PSG3: variants seen among roughly 807,000 people sequenced by gnomAD.
PSG3 encodes pregnancy specific beta-1-glycoprotein 3, also known as pregnancy-specific beta-1-glycoprotein 3.
In PSG3, 61 loss-of-function variants were observed where a neutral mutation model predicts 47.5. The ratio of observed to expected loss-of-function variants is 1.28; its 90% CI spans 1.05 to 1.59. PSG3 has a LOEUF of 1.59. PSG3 is among the 40% of genes most tolerant of loss of function. The pLI, the probability that PSG3 is intolerant of heterozygous loss-of-function variation, is 0.00. For synonymous variants in PSG3, 263 were observed against 198.4 expected, an observed-to-expected ratio of 1.33 and a Z score of -2.74; for missense variants, 756 against 524.0, an observed-to-expected ratio of 1.44 and a Z score of -4.32.
At chr19:42,726,713 C>A (rs1231179374) in intron 5 of PSG3, among the ~76,000 whole-genome samples, 1 of 152,136 alleles carries the variant, frequency 6.6e-6, no homozygotes, top group Non-Finnish European at 1.5e-5. Flanking sequence ...ACAGTGCTAC[C>A]TGACGTGAGC....
In PSG3 at chr19:42,740,280, G is replaced by T. The variant is rs537531739; in HGVS notation, c.64+41C>A. The T allele has an allele frequency of 1.6e-5, 26 of 1,613,704 alleles. No homozygotes were observed. The South Asian group carries it at 2.1e-4, about 13-fold the overall frequency. On this transcript the variant is annotated intron_variant, in intron 1 of 6. Transcript: ENST00000327495. Reference sequence around the variant, plus strand: ...CCAGGAGACCCCATCCAGTCACTCTGCTTCCTCCTCCTGTCCTCTCCCAGG... The same window carrying T: ...CCAGGAGACCCCATCCAGTCACTCTTCTTCCTCCTCCTGTCCTCTCCCAGG...
chr19:42,735,237 T>A (rs191608723), intron 2 of PSG3, among the ~76,000 whole-genome samples: 1 of 152,206 alleles, frequency 6.6e-6, no homozygotes, highest in African/African-American at 2.4e-5. Context: ...CCACTTTTTT[T>A]CCCCACTCTT....
At chr19:42,735,608 G>A (rs1261405559) in intron 2 of PSG3, among the ~76,000 whole-genome samples, 1 of 152,164 alleles carries the variant, frequency 6.6e-6, no homozygotes, top group East Asian at 1.9e-4. Flanking sequence ...CCTTGTGCCT[G>A]CCTCGGCCTC....
intron 2 of PSG3, chr19:42,733,924 C>T (rs913815969): frequency 1.6e-4 from 25 of 152,258 alleles, no homozygotes; most frequent in Admixed American, 1.3e-3. Context: ...TGATGGAAGT[C>T]TGGCCCTCAT....
chr19:42,738,644 C>A (rs528760474), intron 2 of PSG3, 80 bp downstream of exon 2: 6 of 1,610,500 alleles, frequency 3.7e-6, no homozygotes, highest in Middle Eastern at 3.3e-4. Flanking sequence ...GACACAGGCA[C>A]AATCCAGGCC....
chr19:42,738,995 T>A lies in PSG3; in HGVS notation c.159A>T (p.Leu53=), dbSNP rs1600392308. Residue 53 remains leucine (L), a synonymous_variant, in exon 2 of 7, where the codon CTA becomes CTT. Coordinates refer to ENST00000327495, the MANE Select transcript of PSG3 (RefSeq NM_021016.4). ...TKVSKGKDVL[L]LVHNLPQNLA... is the part of the protein sequence containing the mutation. Reference sequence around the variant, plus strand: ...GATTCTGGGGCAAATTGTGGACAAGTAGAAGAACGTCCTTCCCCTTGGAAA... The same window carrying A: ...GATTCTGGGGCAAATTGTGGACAAGAAGAAGAACGTCCTTCCCCTTGGAAA... The A allele has an allele frequency of 6.2e-7, 1 of 1,614,030 alleles. No individual in the cohort carries two copies. The highest frequency in any genetic ancestry group is 2.2e-5 in the East Asian group (1 of 44,866).
intron 5 of PSG3, among the ~76,000 whole-genome samples, chr19:42,725,630 C>A (rs1351699480): frequency 4.6e-5 from 7 of 152,018 alleles, no homozygotes; most frequent in Non-Finnish European, 1.5e-5. Context: ...GAAGTCACAG[C>A]AGAAGGATTT....
intron 2 of PSG3, chr19:42,733,378 C>G (rs1969509213): frequency 2.5e-6 from 1 of 393,046 alleles, no homozygotes; most frequent in Non-Finnish European, 4.5e-6. Context: ...AAGTGCCTGC[C>G]TGGCCCACCT....
At chr19:42,730,683 G>T (rs1268495912) in intron 3 of PSG3, among the ~76,000 whole-genome samples, 3 of 152,180 alleles carry the variant, frequency 2.0e-5, no homozygotes, top group Non-Finnish European at 4.4e-5. Flanking sequence ...TGACTTACTT[G>T]AACCAGTGAC....
intron 2 of PSG3, 144 bp downstream of exon 2, chr19:42,738,580 T>A: frequency 6.6e-7 from 1 of 1,505,792 alleles, no homozygotes; most frequent in Non-Finnish European, 9.1e-7. Context: ...GTCTCTTCTG[T>A]GTGTGTCCTG....
At chr19:42,728,691 C>T (rs958756451) in intron 5 of PSG3, among the ~76,000 whole-genome samples, 9 of 152,352 alleles carry the variant, frequency 5.9e-5, no homozygotes, top group East Asian at 1.9e-4. Context: ...CAAGGGGCTT[C>T]CTCCTCTCAT....
intron 2 of PSG3, among the ~76,000 whole-genome samples, chr19:42,736,719 C>G (rs1344339477): frequency 2.7e-5 from 4 of 148,554 alleles, no homozygotes; most frequent in Non-Finnish European, 1.5e-5. Context: ...ACTGCCTATC[C>G]CTGTCCCATG....
intron 2 of PSG3, 80 bp downstream of exon 2, chr19:42,738,644 C>G: frequency 6.2e-7 from 1 of 1,610,618 alleles, no homozygotes; most frequent in African/African-American, 1.3e-5. Context: ...GACACAGGCA[C>G]AATCCAGGCC....
At position 42,723,194 on chromosome 19, in the gene PSG3, T is replaced by G. The variant is rs147463130; in HGVS notation, c.*40+748A>C. Among the ~76,000 whole-genome samples the G allele has an allele frequency of 2.1e-3, 314 of 152,352 alleles. 3 individuals are homozygous for G. The highest frequency in any genetic ancestry group is 7.3e-3 in the African/African-American group (304 of 41,584). On this transcript the variant is annotated intron_variant, in intron 6 of 6. Coordinates refer to ENST00000327495, the MANE Select transcript of PSG3 (RefSeq NM_021016.4). ...GATCTCAACCACACATAGGTTGTGT[T>G]CTGAGTCTCAGGTTCACATGTTAAT...
chr19:42,735,550 T>A (rs146591064), intron 2 of PSG3, among the ~76,000 whole-genome samples: 1,576 of 152,248 alleles, frequency 0.01, 23 homozygotes, highest in African/African-American at 0.036. Context: ...GTATTTTTAG[T>A]AGAGACGGGG....
rs758736131 is a variant in PSG3, at chr19:42,740,381, C to G, written c.4G>C (p.Gly2Arg). The G allele has an allele frequency of 6.8e-6, 11 of 1,614,026 alleles. No individual in the cohort carries two copies. Among genetic ancestry groups the G allele is most frequent in the Middle Eastern group, 3.3e-4 (2 of 6,058 alleles). The change falls in exon 1 of 7, where the codon GGG becomes CGG. Residue 2 changes from glycine to arginine, a missense_variant. By Grantham distance (125) the Gly-to-Arg change is moderately radical. Coordinates refer to ENST00000327495, the MANE Select transcript of PSG3 (RefSeq NM_021016.4). Reference protein sequence around the residue: MGPLSAPPCTQR... With the variant: MRPLSAPPCTQR... ...GTGCAGGGAGGGGCTGAGAGGGGCC[C>G]CATGGTCTCTGCTGCCTGCGTGTTC...
intron 2 of PSG3, among the ~76,000 whole-genome samples, chr19:42,734,827 C>G (rs1300599557): frequency 1.3e-5 from 2 of 152,112 alleles, no homozygotes; most frequent in Non-Finnish European, 2.9e-5. Context: ...ATAGAAAGAA[C>G]CTGCTTCTAA....
intron 2 of PSG3, among the ~76,000 whole-genome samples, chr19:42,737,413 G>A (rs1020852469): frequency 6.6e-6 from 1 of 152,198 alleles, no homozygotes; most frequent in African/African-American, 2.4e-5. Context: ...TGTAGGGTGT[G>A]AGTGGGGAAA....
chr19:42,722,546 A>G lies in PSG3; in HGVS notation c.*41-456T>C, dbSNP rs191185761. 7.5e-3 allele frequency among the ~76,000 whole-genome samples: 1,140 copies of G among 152,298 alleles called. 10 individuals are homozygous for G. The highest frequency in any genetic ancestry group is 0.012 in the Non-Finnish European group (825 of 68,038). On this transcript the variant is annotated intron_variant, in intron 6 of 6. Transcript: ENST00000327495. ...TGGGATGACAGGCGTGAGCCATCGCACCCAGCCTAGAATACTCATATTATT... is the reference window on the plus strand; with the variant it reads ...TGGGATGACAGGCGTGAGCCATCGCGCCCAGCCTAGAATACTCATATTATT...
Sources: allele counts gnomAD v4.1 joint callset (sites outside exome capture counted in the v4.1 genomes callset), GRCh38; gene constraint gnomAD v4.1.1; transcripts MANE v1.5; gene names NCBI Gene and HGNC (gene_info 2026-07-23, HGNC 2026-07-21).